Variants in SMU1 observed in about 807,000 individuals in gnomAD.
SMU1 encodes WD40 repeat-containing protein SMU1.
Under a neutral mutation model 62.0 loss-of-function variants are expected in SMU1, and 2 were observed. The observed-to-expected ratio is 0.03, with a 90% confidence interval of 0.01 to 0.10. SMU1 has a LOEUF of 0.10. Ranked by LOEUF, SMU1 falls within the 10% of genes least tolerant of loss-of-function variation. SMU1 has a pLI of 1.00. For synonymous variants in SMU1, 188 were observed against 212.4 expected (o/e 0.89, Z 1.00); for missense variants, 227 against 622.1 (o/e 0.36, Z 6.76).
At chr9:33,059,124 G>A (rs1434255938) in intron 6 of SMU1, among the ~76,000 whole-genome samples, 1 of 152,068 alleles carries the variant, frequency 6.6e-6, no homozygotes, top group East Asian at 1.9e-4. Flanking sequence ...AATAAAATGG[G>A]TGGTTAAATA....
chr9:33,074,574 C>T (rs1346482188), intron 1 of SMU1, among the ~76,000 whole-genome samples: 1 of 152,072 alleles, frequency 6.6e-6, no homozygotes, highest in African/African-American at 2.4e-5. Context: ...CATGCCACTG[C>T]ACTCTAGCCT....
At chr9:33,066,207 A>G (rs1839417463) in intron 4 of SMU1, among the ~76,000 whole-genome samples, 1 of 152,184 alleles carries the variant, frequency 6.6e-6, no homozygotes, top group Admixed American at 6.5e-5. Flanking sequence ...TCAGCAAAAC[A>G]AACAGGGAAG....
At chr9:33,054,937 G>C (rs1005354280) in intron 9 of SMU1, among the ~76,000 whole-genome samples, 1 of 152,124 alleles carries the variant, frequency 6.6e-6, no homozygotes, top group African/African-American at 2.4e-5. Flanking sequence ...AACTAAGGGG[G>C]AAAGACCACA....
intron 1 of SMU1, among the ~76,000 whole-genome samples, chr9:33,074,357 G>C (rs1256889510): frequency 6.6e-6 from 1 of 152,002 alleles, no homozygotes; most frequent in Non-Finnish European, 1.5e-5. Context: ...CCAGCTACTT[G>C]GGATGTTGAT....
At chr9:33,050,805 G>T (rs1359773505) in intron 10 of SMU1, among the ~76,000 whole-genome samples, 2 of 149,348 alleles carry the variant, frequency 1.3e-5, no homozygotes, top group Non-Finnish European at 1.5e-5. Flanking sequence ...CAGCCTGGGG[G>T]AGAAGGTGAG....
In SMU1 at chr9:33,060,676, C is replaced by T. The variant is rs577929937; in HGVS notation, c.631-92G>A. 2.6e-5 allele frequency: 40 copies of T among 1,516,472 alleles called. No homozygotes were observed. The African/African-American group carries it at 4.9e-4, about 19-fold the overall frequency. The allele number at this position is 1,516,472 out of a possible 1,614,324, so 93.9% of individuals were successfully genotyped here. A position where few individuals can be genotyped will look rare whatever the true frequency, so the allele number is the denominator to read the frequency against. The stretch of plus-strand genomic sequence containing the variant: ...AACCTTTTGAGAAACCCTGCCCTAG[C>T]ATAAAGTCATAGCTGGCCCATATTA... On this transcript the variant is annotated intron_variant, in intron 5 of 11. Coordinates refer to ENST00000397149, the MANE Select transcript of SMU1 (RefSeq NM_018225.3).
chr9:33,061,442 A>C (rs1537040), intron 5 of SMU1, among the ~76,000 whole-genome samples: 1 of 151,962 alleles, frequency 6.6e-6, no homozygotes, highest in Admixed American at 6.5e-5. Flanking sequence ...GGAATATGAA[A>C]TATTTTAAAA....
chr9:33,044,897 C>G lies in SMU1; in HGVS notation c.*2396G>C, dbSNP rs554218186. The G allele has an allele frequency of 6.6e-6, 1 of 152,376 alleles. No individual in the cohort carries two copies. Among genetic ancestry groups the G allele is most frequent in the Non-Finnish European group, 1.5e-5 (1 of 68,090 alleles). The allele number at this position is 152,376 out of a possible 1,614,324, so 9.4% of individuals were successfully genotyped here. Reference sequence around the variant, plus strand: ...GGTTAGGTTCCCTGTGCTTAGACCGCCCCCTAGTCCCTCCAGGAAGCCTTT... The same window carrying G: ...GGTTAGGTTCCCTGTGCTTAGACCGGCCCCTAGTCCCTCCAGGAAGCCTTT... On this transcript the variant is annotated 3_prime_UTR_variant, in exon 12 of 12. Coordinates refer to ENST00000397149, the MANE Select transcript of SMU1 (RefSeq NM_018225.3).
At chr9:33,053,547 A>T (rs191471664) in intron 9 of SMU1, among the ~76,000 whole-genome samples, 12 of 152,316 alleles carry the variant, frequency 7.9e-5, no homozygotes, top group African/African-American at 2.9e-4. Context: ...ACATAAAATG[A>T]TGTATTTGCA....
At chr9:33,074,636 G>A (rs895560819) in intron 1 of SMU1, among the ~76,000 whole-genome samples, 13 of 152,040 alleles carry the variant, frequency 8.6e-5, no homozygotes, top group Non-Finnish European at 1.8e-4. Context: ...TAAAACCTAT[G>A]AGGTAAGTTT....
chr9:33,076,549 G>A (rs1481915966), intron 1 of SMU1, 34 bp downstream of exon 1: 5 of 1,613,034 alleles, frequency 3.1e-6, no homozygotes, highest in Non-Finnish European at 4.2e-6. Context: ...CCAGGCCCCC[G>A]GCAAGGCGCG....
intron 10 of SMU1, among the ~76,000 whole-genome samples, chr9:33,050,699 G>A (rs954539452): frequency 2.9e-4 from 44 of 151,808 alleles, no homozygotes; most frequent in Non-Finnish European, 4.6e-4. Context: ...AGTGGGAGGC[G>A]CCTGTAATCC....
chr9:33,054,192 A>G (rs186459806), intron 9 of SMU1, among the ~76,000 whole-genome samples: 1 of 149,564 alleles, frequency 6.7e-6, no homozygotes, highest in Admixed American at 6.6e-5. Context: ...TTTTTTTTTT[A>G]AAGAGATGAG....
At chr9:33,058,559 T>C (rs1839328114) in intron 6 of SMU1, among the ~76,000 whole-genome samples, 1 of 152,134 alleles carries the variant, frequency 6.6e-6, no homozygotes, top group Admixed American at 6.5e-5. Flanking sequence ...TCAAGTGACC[T>C]ATCAACTTCA....
Position 33,045,743 on chromosome 9 carries a change from G to C in SMU1, c.*1550C>G, listed in dbSNP as rs1839177003. On this transcript the variant is annotated 3_prime_UTR_variant, in exon 12 of 12. Transcript: ENST00000397149. ...GCCTGTAGTCCCAGCTACTTGGGAG[G>C]CTAAGGCAGGAGAATCGCTTGAACC... 1 of 152,356 alleles carries C rather than the reference G, an allele frequency of 6.6e-6. No individual in the cohort carries two copies. Among genetic ancestry groups the C allele is most frequent in the Non-Finnish European group, 1.5e-5 (1 of 68,142 alleles). The allele number at this position is 152,356 out of a possible 1,614,324, so 9.4% of individuals were successfully genotyped here.
chr9:33,066,458 G>A (rs1397323238), intron 4 of SMU1, among the ~76,000 whole-genome samples: 1 of 148,170 alleles, frequency 6.7e-6, no homozygotes, highest in Non-Finnish European at 1.5e-5. Context: ...GGAAGGCAGA[G>A]GCAGGATAGT....
chr9:33,056,380 G>A (rs11789863), intron 8 of SMU1, 141 bp from the exon 9 acceptor site: 110,373 of 837,338 alleles, frequency 0.13, 8,038 homozygotes, highest in Non-Finnish European at 0.14. Flanking sequence ...TGTGTATACG[G>A]TGTAATTTTC....
chr9:33,044,187 G>A lies in SMU1; in HGVS notation c.*3106C>T, dbSNP rs1257903540. 6.6e-6 allele frequency: 1 copy of A among 152,296 alleles called. No individual in the cohort carries two copies. The highest frequency in any genetic ancestry group is 6.5e-5 in the Admixed American group (1 of 15,280). The allele number at this position is 152,296 out of a possible 1,614,324, so 9.4% of individuals were successfully genotyped here. ...TCCGTTAAATCTGGTGGCTGCAGCA[G>A]AGCACTTCCCTAGGAACCGACTGCA... is the stretch of plus-strand genomic sequence containing the variant. On this transcript the variant is annotated 3_prime_UTR_variant, in exon 12 of 12. Transcript: ENST00000397149.
At chr9:33,047,639 C>G (rs1490344186) in intron 11 of SMU1, among the ~76,000 whole-genome samples, 3 of 152,198 alleles carry the variant, frequency 2.0e-5, no homozygotes, top group Admixed American at 6.5e-5. Flanking sequence ...GGGTGGATCA[C>G]TTGAGGTCAG....
Sources: allele counts gnomAD v4.1 joint callset (sites outside exome capture counted in the v4.1 genomes callset), GRCh38; gene constraint gnomAD v4.1.1; transcripts MANE v1.5; gene names NCBI Gene and HGNC (gene_info 2026-07-23, HGNC 2026-07-21).